The following MAP2 variants were observed in gnomAD, a reference collection of about 807,000 sequenced individuals.
MAP2 encodes the protein microtubule associated protein 2.
A neutral mutation model predicts 137.6 loss-of-function variants in MAP2; 14 were observed. That is an observed-to-expected ratio of 0.10 (90% CI 0.07 to 0.16). The LOEUF (loss-of-function observed/expected upper bound fraction) is 0.16, where lower values mean the gene tolerates loss of function less well. Ranked by LOEUF, MAP2 falls within the 10% of genes least tolerant of loss-of-function variation. The pLI, the probability that MAP2 is intolerant of heterozygous loss-of-function variation, is 1.00. For missense variants in MAP2, 2,088 were observed against 2,191.5 expected (o/e 0.95, Z 0.94); for synonymous variants, 786 against 782.3 (o/e 1.00, Z -0.08).
intron 5 of MAP2, among the ~76,000 whole-genome samples, chr2:209,659,315 A>G (rs2042338580): frequency 6.6e-6 from 1 of 152,110 alleles, no homozygotes; most frequent in Admixed American, 6.5e-5. Flanking sequence ...TTATTAGAAA[A>G]TCGTGGTGAA....
intron 2 of MAP2, among the ~76,000 whole-genome samples, chr2:209,519,083 C>A (rs2062915351): frequency 6.6e-6 from 1 of 152,010 alleles, no homozygotes; most frequent in Admixed American, 6.6e-5. Flanking sequence ...AAAACAAAAT[C>A]TTATACCAAC....
rs151333335 is a variant in MAP2 at position 209,704,058 on chromosome 2, C to T, written c.4585-1522C>T. On this transcript the variant is annotated intron_variant, in intron 11 of 15. Transcript: ENST00000682079. ...AGGTTTGAGCTTATATTGATTCCATCATCCAAATAGTGAACATAGTTCCCA... is the reference window on the plus strand; with the variant it reads ...AGGTTTGAGCTTATATTGATTCCATTATCCAAATAGTGAACATAGTTCCCA... The T allele has an allele frequency of 8.0e-4, 365 of 454,704 alleles. 1 individual carries two copies. The highest frequency in any genetic ancestry group is 6.9e-3 in the African/African-American group (348 of 50,126). 28.2% of individuals were successfully genotyped at this position (454,704 alleles called of 1,614,324 possible).
Position 209,501,850 on chromosome 2 carries a change from T to A in MAP2, c.-221-5742T>A, listed in dbSNP as rs185610641. On this transcript the variant is annotated intron_variant, in intron 1 of 15. Transcript: ENST00000682079. Reference sequence around the variant, plus strand: ...AAGCATCCGCTCCTGGCACTGCAAATGAAAGTGCTCTCCTTAAGATAAGAA... The same window carrying A: ...AAGCATCCGCTCCTGGCACTGCAAAAGAAAGTGCTCTCCTTAAGATAAGAA... Among the ~76,000 whole-genome samples the A allele has an allele frequency of 2.6e-5, 4 of 151,468 alleles. No homozygotes were observed. The East Asian group carries it at 7.8e-4, about 29-fold the overall frequency.
intron 4 of MAP2, among the ~76,000 whole-genome samples, chr2:209,627,121 C>A (rs895148903): frequency 2.6e-5 from 4 of 152,174 alleles, no homozygotes; most frequent in African/African-American, 9.6e-5. Context: ...GAAACACTTA[C>A]TATTCCCAAA....
At chr2:209,599,292 GTTGT>G (rs1409435643) in intron 3 of MAP2, among the ~76,000 whole-genome samples, 1 of 151,864 alleles carries the variant, frequency 6.6e-6, no homozygotes, top group Admixed American at 6.6e-5. Context: ...TTTTGATGGG[GTTGT>G]TTGTTTTTTT....
chr2:209,595,166 C>T (rs918709535), intron 3 of MAP2, among the ~76,000 whole-genome samples: 1 of 152,010 alleles, frequency 6.6e-6, no homozygotes, highest in Non-Finnish European at 1.5e-5. Context: ...TTAATAGACT[C>T]TCAGCTAAGT....
chr2:209,476,016 A>G (rs1707123599), intron 1 of MAP2, among the ~76,000 whole-genome samples: 1 of 152,148 alleles, frequency 6.6e-6, no homozygotes, highest in Admixed American at 6.6e-5. Context: ...GCTTTTTTAA[A>G]TTTTAGATTG....
chr2:209,612,441 G>GA (rs1487118872), intron 3 of MAP2, among the ~76,000 whole-genome samples: 1 of 151,934 alleles, frequency 6.6e-6, no homozygotes, highest in Non-Finnish European at 1.5e-5. Context: ...ATTTCTTTAT[G>GA]AAAAAATGGT....
At chr2:209,648,306 G>A (rs1157553048) in intron 4 of MAP2, among the ~76,000 whole-genome samples, 1 of 151,862 alleles carries the variant, frequency 6.6e-6, no homozygotes, top group Admixed American at 6.6e-5. Flanking sequence ...TCACCATGTT[G>A]GTCAGGCTGG....
intron 2 of MAP2, among the ~76,000 whole-genome samples, chr2:209,579,062 T>G (rs1015427414): frequency 6.6e-6 from 1 of 152,226 alleles, no homozygotes; most frequent in Non-Finnish European, 1.5e-5. Flanking sequence ...ATATTTATTT[T>G]GGAATATAAA....
chr2:209,715,661 G>C (rs886571547), intron 13 of MAP2, among the ~76,000 whole-genome samples: 2 of 152,138 alleles, frequency 1.3e-5, no homozygotes, highest in East Asian at 1.9e-4. Flanking sequence ...TTGAATAGAA[G>C]CTCCAAGGAA....
chr2:209,481,287 A>C (rs931516318), intron 1 of MAP2, among the ~76,000 whole-genome samples: 8 of 152,114 alleles, frequency 5.3e-5, no homozygotes, highest in Non-Finnish European at 1.2e-4. Flanking sequence ...CTTGCCTCCT[A>C]TTGGGTGAAG....
chr2:209,559,464 T>C (rs2071462147), intron 2 of MAP2, among the ~76,000 whole-genome samples: 2 of 115,744 alleles, frequency 1.7e-5, no homozygotes, highest in African/African-American at 7.3e-5. Flanking sequence ...TGAAACTCCA[T>C]CTCTGCCAAA....
chr2:209,516,243 A>T (rs2062478059), intron 2 of MAP2, among the ~76,000 whole-genome samples: 1 of 151,886 alleles, frequency 6.6e-6, no homozygotes, highest in South Asian at 2.1e-4. Flanking sequence ...TCATTTAGTG[A>T]TGGCTTAAAC....
chr2:209,585,194 T>G (rs1239655291), intron 3 of MAP2, among the ~76,000 whole-genome samples: 1 of 151,564 alleles, frequency 6.6e-6, no homozygotes, highest in Non-Finnish European at 1.5e-5. Context: ...GGGAATCTCT[T>G]GGCAGTACCT....
intron 4 of MAP2, among the ~76,000 whole-genome samples, chr2:209,638,170 A>G (rs2093718312): frequency 6.6e-6 from 1 of 152,140 alleles, no homozygotes; most frequent in Non-Finnish European, 1.5e-5. Flanking sequence ...ATACCCCTCC[A>G]GAAGTTTGAC....
At position 209,730,525 on chromosome 2, in the gene MAP2, T is replaced by G. The variant is rs976448766; in HGVS notation, c.*128T>G. 6 of 674,164 alleles carry G rather than the reference T, an allele frequency of 8.9e-6. No homozygotes were observed. Among genetic ancestry groups the G allele is most frequent in the African/African-American group, 1.8e-5 (1 of 55,198 alleles). 41.8% of individuals were successfully genotyped at this position (674,164 alleles called of 1,614,324 possible). ...AAATAATCTCATCCCCAAACTGTAG[T>G]AATTGTTACAATTTTCTATTTAAAA... On this transcript the variant is annotated 3_prime_UTR_variant, in exon 16 of 16. Transcript: ENST00000682079.
At chr2:209,473,052 C>T (rs1009410738) in intron 1 of MAP2, among the ~76,000 whole-genome samples, 4 of 152,116 alleles carry the variant, frequency 2.6e-5, no homozygotes, top group Non-Finnish European at 4.4e-5. Flanking sequence ...AGGAGCAGGA[C>T]GCTACTCCTT....
rs80285003 is a variant in MAP2, at chr2:209,561,511, G to T, written c.-171-18525G>T. ...AAGTTATTTAACCTCTCTGAGTCTC[G>T]ACCTGCTCACCTATAAAATGGAGGT... On this transcript the variant is annotated intron_variant, in intron 2 of 15. Coordinates refer to ENST00000682079, the MANE Select transcript of MAP2 (RefSeq NM_001375505.1). 6.7e-4 allele frequency among the ~76,000 whole-genome samples: 102 copies of T among 152,240 alleles called. 2 individuals are homozygous for T. In the East Asian group the frequency reaches 0.019, roughly 28 times the overall value.
Sources: gnomAD v4.1 joint callset for allele counts (sites outside exome capture counted in the v4.1 genomes callset) on GRCh38, gnomAD v4.1.1 for gene constraint, MANE v1.5 for transcripts, NCBI Gene and HGNC (gene_info 2026-07-23, HGNC 2026-07-21) for gene names.